The following FCHSD2 variants were observed in gnomAD, a reference collection of about 807,000 sequenced individuals.
FCHSD2 encodes the protein F-BAR and double SH3 domains protein 2.
FCHSD2 carries 38 observed loss-of-function variants against 108.1 expected under a neutral mutation model. That is an observed-to-expected ratio of 0.35 (90% CI 0.27 to 0.46). The LOEUF (loss-of-function observed/expected upper bound fraction) is 0.46, where lower values mean the gene tolerates loss of function less well. FCHSD2 is among the 20% of genes least tolerant of loss of function. The probability of loss-of-function intolerance (pLI) is 1.00; values close to 1 mark genes in which losing one functional copy is unlikely to be tolerated. For synonymous variants in FCHSD2, 279 were observed against 314.7 expected (o/e 0.89, Z 1.20); for missense variants, 751 against 897.8 (o/e 0.84, Z 2.09).
intron 3 of FCHSD2, among the ~76,000 whole-genome samples, chr11:73,034,149 C>CA (rs1858432289): frequency 6.6e-6 from 1 of 151,864 alleles, no homozygotes; most frequent in Non-Finnish European, 1.5e-5. Context: ...CATATGTATA[C>CA]ATGTGCCGTG....
intron 3 of FCHSD2, among the ~76,000 whole-genome samples, chr11:73,041,474 A>G (rs1488530907): frequency 2.6e-5 from 4 of 152,062 alleles, no homozygotes; most frequent in African/African-American, 9.7e-5. Flanking sequence ...CATTTCCCTG[A>G]TGATTAGTGA....
At chr11:73,011,475 C>T (rs1857862870) in intron 4 of FCHSD2, among the ~76,000 whole-genome samples, 1 of 152,198 alleles carries the variant, frequency 6.6e-6, no homozygotes, top group South Asian at 2.1e-4. Flanking sequence ...CACAGCTTGG[C>T]CCCAAGGGCA....
intron 3 of FCHSD2, among the ~76,000 whole-genome samples, chr11:73,043,095 T>C (rs890131538): frequency 2.0e-5 from 3 of 152,210 alleles, no homozygotes; most frequent in Non-Finnish European, 4.4e-5. Flanking sequence ...CAACGCTGAA[T>C]AGGAGTGGTG....
chr11:72,852,593 G>T (rs1008223440), intron 13 of FCHSD2, among the ~76,000 whole-genome samples: 1 of 152,080 alleles, frequency 6.6e-6, no homozygotes. Context: ...GAACCTGGGA[G>T]GTGAAGGTTG....
In FCHSD2 at chr11:72,930,683, C is replaced by CA. The variant is rs372311035; in HGVS notation, c.706-8734dup. ...TTGCTAGAACCTGGGAGGGAGGCTACAGTAAGCCAAAATCGTGCCACTGCA... is the reference window on the plus strand; with the variant it reads ...TTGCTAGAACCTGGGAGGGAGGCTACAAGTAAGCCAAAATCGTGCCACTGCA... On this transcript the variant is annotated intron_variant, in intron 8 of 19. Coordinates refer to ENST00000409418, the MANE Select transcript of FCHSD2 (RefSeq NM_014824.3). Among the ~76,000 whole-genome samples the CA allele has an allele frequency of 4.1e-3, 622 of 152,274 alleles. 2 individuals are homozygous for CA. The highest frequency in any genetic ancestry group is 0.014 in the African/African-American group (590 of 41,552).
At chr11:72,975,141 C>T (rs1359138817) in intron 8 of FCHSD2, among the ~76,000 whole-genome samples, 7 of 152,146 alleles carry the variant, frequency 4.6e-5, no homozygotes, top group Non-Finnish European at 1.5e-5. Context: ...TTGCAAATGA[C>T]AGGATTTCAA....
intron 5 of FCHSD2, among the ~76,000 whole-genome samples, chr11:72,995,990 T>C (rs1857512872): frequency 6.6e-6 from 1 of 151,718 alleles, no homozygotes; most frequent in South Asian, 2.1e-4. Context: ...ATTCACAAAA[T>C]AATAAAAAAT....
chr11:73,108,790 C>T (rs1860410859), intron 2 of FCHSD2, among the ~76,000 whole-genome samples: 1 of 152,048 alleles, frequency 6.6e-6, no homozygotes, highest in Admixed American at 6.6e-5. Context: ...CCAGGATGGT[C>T]TCGATCTCCT....
chr11:73,101,802 T>C (rs1370009047), intron 2 of FCHSD2, among the ~76,000 whole-genome samples: 1 of 151,490 alleles, frequency 6.6e-6, no homozygotes, highest in Non-Finnish European at 1.5e-5. Flanking sequence ...TATTCCAACA[T>C]AGATGAACCT....
intron 3 of FCHSD2, among the ~76,000 whole-genome samples, chr11:73,026,795 G>C (rs1014948552): frequency 2.6e-5 from 4 of 152,164 alleles, no homozygotes; most frequent in Admixed American, 2.6e-4. Flanking sequence ...CTGTTCTCAT[G>C]ACAGCAAGTG....
intron 3 of FCHSD2, among the ~76,000 whole-genome samples, chr11:73,026,812 C>G (rs1565373761): frequency 6.6e-6 from 1 of 152,150 alleles, no homozygotes; most frequent in Non-Finnish European, 1.5e-5. Flanking sequence ...AGTGAGTTCT[C>G]ATGAGATCTA....
At chr11:72,866,458 C>T (rs1480748685) in intron 13 of FCHSD2, among the ~76,000 whole-genome samples, 1 of 151,946 alleles carries the variant, frequency 6.6e-6, no homozygotes, top group East Asian at 1.9e-4. Flanking sequence ...TTAGTAGAGA[C>T]AGCGTTTCAC....
intron 4 of FCHSD2, among the ~76,000 whole-genome samples, chr11:73,012,021 T>C (rs1211387453): frequency 6.6e-6 from 1 of 152,174 alleles, no homozygotes; most frequent in Admixed American, 6.5e-5. Context: ...CATTTCTCCC[T>C]CTAAGAATTT....
At chr11:72,976,605 G>A (rs1857108442) in intron 8 of FCHSD2, among the ~76,000 whole-genome samples, 1 of 152,086 alleles carries the variant, frequency 6.6e-6, no homozygotes, top group Non-Finnish European at 1.5e-5. Context: ...GAATAATTAG[G>A]CTGGGGAAAA....
intron 2 of FCHSD2, among the ~76,000 whole-genome samples, chr11:73,102,301 CTG>C (rs1201147549): frequency 6.6e-6 from 1 of 152,124 alleles, no homozygotes; most frequent in East Asian, 1.9e-4. Context: ...TAGATAGACT[CTG>C]GGGAAATTTT....
chr11:73,052,876 T>TC (rs1198140687), intron 3 of FCHSD2, among the ~76,000 whole-genome samples: 1 of 152,184 alleles, frequency 6.6e-6, no homozygotes, highest in Non-Finnish European at 1.5e-5. Context: ...AGATGGAGTC[T>TC]CACTCTGTTG....
At chr11:73,117,083 T>G (rs1240132657) in intron 2 of FCHSD2, among the ~76,000 whole-genome samples, 1 of 152,234 alleles carries the variant, frequency 6.6e-6, no homozygotes, top group Non-Finnish European at 1.5e-5. Context: ...ATTATACGTA[T>G]TTTTGTTTTC....
intron 2 of FCHSD2, among the ~76,000 whole-genome samples, chr11:73,112,281 T>C (rs1348994463): frequency 6.6e-6 from 1 of 152,196 alleles, no homozygotes; most frequent in African/African-American, 2.4e-5. Context: ...GGGTAAAAGA[T>C]TTCCCCTTTG....
At chr11:73,084,229 T>C (rs1263604979) in intron 2 of FCHSD2, among the ~76,000 whole-genome samples, 1 of 152,214 alleles carries the variant, frequency 6.6e-6, no homozygotes, top group Non-Finnish European at 1.5e-5. Context: ...CAAATTTTGA[T>C]TGGCTTCTGA....
Sources: allele counts gnomAD v4.1 joint callset (sites outside exome capture counted in the v4.1 genomes callset), GRCh38; gene constraint gnomAD v4.1.1; transcripts MANE v1.5; gene names NCBI Gene and HGNC (gene_info 2026-07-23, HGNC 2026-07-21).